ENOX1: variants seen among roughly 807,000 people sequenced by gnomAD.
ENOX1 encodes the protein candidate growth-related and time keeping constitutive hydroquinone (NADH) oxidase.
In ENOX1, 42 loss-of-function variants were observed where a neutral mutation model predicts 82.5. The ratio of observed to expected loss-of-function variants is 0.51; its 90% CI spans 0.40 to 0.66. ENOX1 has a LOEUF of 0.66. Ranked by LOEUF, ENOX1 falls within the 30% of genes least tolerant of loss-of-function variation. ENOX1 has a pLI of 0.00. For missense variants in ENOX1, 608 were observed against 811.6 expected, an observed-to-expected ratio of 0.75 and a Z score of 3.05; for synonymous variants, 271 against 282.2, an observed-to-expected ratio of 0.96 and a Z score of 0.40.
chr13:43,393,042 G>A (rs2052895410), intron 5 of ENOX1, among the ~76,000 whole-genome samples: 1 of 151,890 alleles, frequency 6.6e-6, no homozygotes. Context: ...TAGCTCTGTG[G>A]GCATTTCTGA....
chr13:43,298,707 G>A (rs755704423), intron 11 of ENOX1, among the ~76,000 whole-genome samples, 177 bp from the exon 12 acceptor site: 5 of 152,124 alleles, frequency 3.3e-5, no homozygotes, highest in Non-Finnish European at 4.4e-5. Flanking sequence ...CACTTCTCTC[G>A]GAACTTTTAT....
At chr13:43,310,251 TA>T (rs2047124703) in intron 11 of ENOX1, among the ~76,000 whole-genome samples, 1 of 148,020 alleles carries the variant, frequency 6.8e-6, no homozygotes, top group Non-Finnish European at 1.5e-5. Flanking sequence ...AGGTGCCAGT[TA>T]AGCACTATTA....
chr13:43,633,491 A>T (rs2083296099), intron 2 of ENOX1, among the ~76,000 whole-genome samples: 5 of 152,218 alleles, frequency 3.3e-5, no homozygotes, highest in African/African-American at 1.2e-4. Flanking sequence ...TCCACAAATA[A>T]GTCCACGTGT....
intron 1 of ENOX1, among the ~76,000 whole-genome samples, chr13:43,724,685 A>G (rs1378083685): frequency 6.6e-6 from 1 of 152,210 alleles, no homozygotes; most frequent in Non-Finnish European, 1.5e-5. Context: ...AAATTCAACT[A>G]AAAAGGAAAA....
At chr13:43,340,146 G>T (rs1312722402) in intron 9 of ENOX1, among the ~76,000 whole-genome samples, 4 of 152,244 alleles carry the variant, frequency 2.6e-5, no homozygotes, top group African/African-American at 9.6e-5. Flanking sequence ...TACCATGTTA[G>T]TCAGGTTACT....
chr13:43,629,282 G>T (rs2083103415), intron 2 of ENOX1, among the ~76,000 whole-genome samples: 1 of 152,174 alleles, frequency 6.6e-6, no homozygotes, highest in African/African-American at 2.4e-5. Context: ...GTTCTGTCTT[G>T]CTGCAATGTC....
At chr13:43,339,420 T>C (rs185294478) in intron 9 of ENOX1, among the ~76,000 whole-genome samples, 7 of 152,318 alleles carry the variant, frequency 4.6e-5, no homozygotes, top group East Asian at 3.9e-4. Flanking sequence ...ATTCAACCAA[T>C]TGGTTATTTC....
chr13:43,669,355 C>G (rs1457018303), intron 1 of ENOX1, among the ~76,000 whole-genome samples: 4 of 152,142 alleles, frequency 2.6e-5, no homozygotes, highest in Non-Finnish European at 5.9e-5. Flanking sequence ...CAGTTCTTAT[C>G]CCATCTCCTT....
chr13:43,439,457 C>T (rs755600538), intron 3 of ENOX1, among the ~76,000 whole-genome samples: 1 of 152,128 alleles, frequency 6.6e-6, no homozygotes, highest in Non-Finnish European at 1.5e-5. Flanking sequence ...ACCTCAGCCT[C>T]GCAAAGTGCT....
At chr13:43,417,131 C>T (rs148282636) in intron 3 of ENOX1, among the ~76,000 whole-genome samples, 12,092 of 151,804 alleles carry the variant, frequency 0.08, 643 homozygotes, top group African/African-American at 0.14. Context: ...ATCAGGGGAG[C>T]CCGAGGCAGG....
chr13:43,651,989 A>C, intron 2 of ENOX1, among the ~76,000 whole-genome samples: 1 of 151,758 alleles, frequency 6.6e-6, no homozygotes, highest in Non-Finnish European at 1.5e-5. Context: ...AAAAAAAAAA[A>C]AAAAACTTCA....
intron 16 of ENOX1, among the ~76,000 whole-genome samples, chr13:43,223,834 AT>A (rs1397350657): frequency 6.6e-6 from 1 of 152,194 alleles, no homozygotes; most frequent in Non-Finnish European, 1.5e-5. Context: ...GCTAAAAGTC[AT>A]TGTCATTTTA....
chr13:43,783,769 A>T (rs758381786), intron 1 of ENOX1, among the ~76,000 whole-genome samples: 64 of 152,348 alleles, frequency 4.2e-4, no homozygotes, highest in Middle Eastern at 6.8e-3. Flanking sequence ...TAGGCTTAAG[A>T]GGGCAATTGA....
intron 12 of ENOX1, among the ~76,000 whole-genome samples, chr13:43,277,450 C>T (rs2045116568): frequency 6.6e-6 from 1 of 152,152 alleles, no homozygotes; most frequent in Non-Finnish European, 1.5e-5. Flanking sequence ...TCATGCCTAT[C>T]ATTACTCTGG....
chr13:43,470,354 G>GTATATATATATA (rs1343682344), intron 3 of ENOX1, among the ~76,000 whole-genome samples: 1 of 38,452 alleles, frequency 2.6e-5, no homozygotes, highest in Non-Finnish European at 4.6e-5. Flanking sequence ...ATATATATAT[G>GTATATATATATA]TATATATATA....
At chr13:43,686,580 T>C (rs367750309) in intron 1 of ENOX1, among the ~76,000 whole-genome samples, 1 of 152,190 alleles carries the variant, frequency 6.6e-6, no homozygotes, top group Non-Finnish European at 1.5e-5. Flanking sequence ...CCAGGGTTTG[T>C]TCTTAGCTAA....
chr13:43,306,502 C>G lies in ENOX1; in HGVS notation c.1262-7972G>C, dbSNP rs559249455. Among the ~76,000 whole-genome samples the G allele has an allele frequency of 2.3e-4, 35 of 152,306 alleles. 1 individual carries two copies. The South Asian group carries it at 7.1e-3, about 31-fold the overall frequency. ...AAGCTAGACAATAAAATGACACTGGCTTTCAGGAATTGTACCCCCTCCCCT... is the reference window on the plus strand; with the variant it reads ...AAGCTAGACAATAAAATGACACTGGGTTTCAGGAATTGTACCCCCTCCCCT... On this transcript the variant is annotated intron_variant, in intron 11 of 16. Transcript: ENST00000690772.
intron 11 of ENOX1, among the ~76,000 whole-genome samples, chr13:43,301,149 T>G (rs1167401141): frequency 6.6e-6 from 1 of 152,228 alleles, no homozygotes; most frequent in Admixed American, 6.5e-5. Context: ...GACACTTAAG[T>G]CATTTCCTTA....
intron 1 of ENOX1, among the ~76,000 whole-genome samples, chr13:43,720,958 TA>T (rs2088529762): frequency 6.6e-6 from 1 of 152,230 alleles, no homozygotes; most frequent in Non-Finnish European, 1.5e-5. Context: ...AATGTTGTTC[TA>T]AATAGTAGTC....
Sources: allele counts gnomAD v4.1 joint callset (sites outside exome capture counted in the v4.1 genomes callset), GRCh38; gene constraint gnomAD v4.1.1; transcripts MANE v1.5; gene names NCBI Gene and HGNC (gene_info 2026-07-23, HGNC 2026-07-21).